The following BTG4 variants were observed in gnomAD, a reference collection of about 807,000 sequenced individuals.
The protein encoded by BTG4 is protein BTG4.
A neutral mutation model predicts 19.3 loss-of-function variants in BTG4; 10 were observed. The observed-to-expected ratio is 0.52, with a 90% CI of 0.32 to 0.88. BTG4 has a LOEUF of 0.88. BTG4 is among the 40% of genes least tolerant of loss of function. The pLI, the probability that BTG4 is intolerant of heterozygous loss-of-function variation, is 0.04. For missense variants in BTG4, 238 were observed against 281.9 expected (o/e 0.84, Z 1.11); for synonymous variants, 91 against 95.7 (o/e 0.95, Z 0.29).
chr11:111,448,345 G>A, the BTG4 span: 1 of 152,466 alleles, frequency 6.6e-6, no homozygotes, highest in African/African-American at 2.4e-5. Flanking sequence ...AATGGGAGAA[G>A]AGCACTGTCA....
At chr11:111,384,077 C>T in the BTG4 span, among the ~76,000 whole-genome samples, 1 of 152,196 alleles carries the variant, frequency 6.6e-6, no homozygotes, top group East Asian at 1.9e-4. Context: ...TATCTTATTT[C>T]TAGAAACCTT....
the BTG4 span, among the ~76,000 whole-genome samples, chr11:111,425,320 G>T: frequency 1.8e-4 from 27 of 152,248 alleles, no homozygotes; most frequent in African/African-American, 6.3e-4. Context: ...CAGGCTCCAT[G>T]CTGATCATGG....
the BTG4 span, chr11:111,401,160 A>G: frequency 6.6e-6 from 1 of 151,846 alleles, no homozygotes; most frequent in African/African-American, 2.4e-5. Context: ...TAGTTTTGAT[A>G]AATGTACCAT....
intron 5 of BTG4, among the ~76,000 whole-genome samples, chr11:111,476,522 G>C (rs1864406608): frequency 6.6e-6 from 1 of 152,158 alleles, no homozygotes; most frequent in Non-Finnish European, 1.5e-5. Context: ...TCAGAATCAA[G>C]TCACTACATC....
At chr11:111,477,779 T>G (rs1479904987) in intron 5 of BTG4, among the ~76,000 whole-genome samples, 1 of 152,124 alleles carries the variant, frequency 6.6e-6, no homozygotes, top group African/African-American at 2.4e-5. Context: ...GCCTGCTCTT[T>G]AGCGAAAGGA....
chr11:111,408,151 G>C, the BTG4 span, among the ~76,000 whole-genome samples: 1 of 152,250 alleles, frequency 6.6e-6, no homozygotes, highest in Non-Finnish European at 1.5e-5. Context: ...GCAAGTCCCA[G>C]AGGACAGGTG....
At chr11:111,507,408 T>C (rs1225695049) in intron 1 of BTG4, among the ~76,000 whole-genome samples, 2 of 152,204 alleles carry the variant, frequency 1.3e-5, no homozygotes, top group African/African-American at 4.8e-5. Context: ...TTTTTATTTT[T>C]TTAAGAGAGA....
chr11:111,403,198 A>G, the BTG4 span, among the ~76,000 whole-genome samples: 1 of 152,202 alleles, frequency 6.6e-6, no homozygotes. Context: ...AGAAACCCTC[A>G]AAGTAGAGCC....
At position 111,497,257 on chromosome 11, in the gene BTG4, T is replaced by C. The variant is rs1411152417; in HGVS notation, c.464A>G (p.Glu155Gly). The change falls in exon 4 of 5, where the codon GAA becomes GGA. Residue 155 changes from glutamate (E) to glycine (G), a missense_variant. Physicochemically the swap from Glu to Gly is moderately conservative, Grantham distance 98. Coordinates refer to ENST00000692032, the MANE Select transcript of BTG4 (RefSeq NM_001367975.1). ...GCTGACTTTAGGAATGACACGAGGT[T>C]CCTTGCTACAACTTTCTTCATCGCA... Reference protein sequence around the residue: ...TSCDEESCSKEPRVIPKVSNP... With the variant: ...TSCDEESCSKGPRVIPKVSNP... 1.9e-6 allele frequency: 3 copies of C among 1,613,076 alleles called. No homozygotes were observed. The African/African-American group carries it at 4.0e-5, about 22-fold the overall frequency.
the BTG4 span, chr11:111,461,816 T>C: frequency 1.3e-5 from 2 of 152,614 alleles, no homozygotes; most frequent in Admixed American, 6.5e-5. Context: ...CTGTGAAACT[T>C]TGGGGATCTA....
chr11:111,455,204 C>G, the BTG4 span: 1 of 382,772 alleles, frequency 2.6e-6, no homozygotes, highest in East Asian at 7.3e-5. Context: ...ATCTCCCTGG[C>G]CCTAAAGCTC....
Position 111,498,654 on chromosome 11 carries a change from T to G in BTG4, c.123A>C (p.Thr41=). The G allele has an allele frequency of 6.2e-7, 1 of 1,614,022 alleles. No individual in the cohort carries two copies. The highest frequency in any genetic ancestry group is 8.5e-7 in the Non-Finnish European group (1 of 1,179,990). The change falls in exon 2 of 5, where the codon ACA becomes ACC. Residue 41 remains threonine (T), a synonymous_variant. Transcript: ENST00000692032. The part of the protein sequence containing the change: ...AEKLMTILFE[T]YRSHWHSDCP... ...AATCAGAGTGCCAGTGACTTCTGTA[T>G]GTTTCAAACAAGATCGTCATCAGCT...
chr11:111,456,694 G>A, the BTG4 span: 1 of 375,594 alleles, frequency 2.7e-6, no homozygotes, highest in Non-Finnish European at 5.6e-6. The surrounding 1 kb of genome is among the most constrained non-coding windows in gnomAD (Gnocchi z 4.2). Flanking sequence ...CCTGGGATAT[G>A]ATCTGCTGAG....
At chr11:111,396,205 C>G in the BTG4 span, among the ~76,000 whole-genome samples, 2 of 152,232 alleles carry the variant, frequency 1.3e-5, no homozygotes, top group Non-Finnish European at 2.9e-5. Flanking sequence ...ATAGTTGGCG[C>G]TTTGGGGATA....
At chr11:111,455,279 C>T in the BTG4 span, 1 of 342,218 alleles carries the variant, frequency 2.9e-6, no homozygotes, top group Non-Finnish European at 5.8e-6. Context: ...CCATGCCTGT[C>T]CAGAATAACT....
chr11:111,430,989 G>A, the BTG4 span, among the ~76,000 whole-genome samples: 1 of 152,338 alleles, frequency 6.6e-6, no homozygotes, highest in South Asian at 2.1e-4. Context: ...GTATACAAAA[G>A]CAGCTCAGCA....
the BTG4 span, among the ~76,000 whole-genome samples, chr11:111,403,438 T>C: frequency 6.6e-6 from 1 of 152,206 alleles, no homozygotes; most frequent in Non-Finnish European, 1.5e-5. Context: ...AGGTCTCCTT[T>C]ACCTGCATTG....
chr11:111,494,663 A>G (rs1865609959), downstream of BTG4, among the ~76,000 whole-genome samples: 5 of 149,862 alleles, frequency 3.3e-5, no homozygotes, highest in South Asian at 1.0e-3. Context: ...ACGGTGGCTC[A>G]CGCCTGAATC....
At chr11:111,407,239 T>G in the BTG4 span, among the ~76,000 whole-genome samples, 1 of 148,952 alleles carries the variant, frequency 6.7e-6, no homozygotes, top group Non-Finnish European at 1.5e-5. Context: ...ATACCATGTA[T>G]GTGTCATATA....
Sources: gnomAD v4.1 joint callset for allele counts (sites outside exome capture counted in the v4.1 genomes callset) on GRCh38, gnomAD v4.1.1 for gene constraint, Gnocchi (gnomAD v3.1) non-coding constraint, MANE v1.5 for transcripts, NCBI Gene and HGNC (gene_info 2026-07-23, HGNC 2026-07-21) for gene names.